Variants in RYR3 observed in about 807,000 individuals in gnomAD.
RYR3 encodes brain ryanodine receptor-calcium release channel.
Under a neutral mutation model 584.3 loss-of-function variants are expected in RYR3, and 207 were observed. That is an observed-to-expected ratio of 0.35 (90% CI 0.32 to 0.40). RYR3 has a LOEUF of 0.40. Among genes scored for constraint, RYR3 ranks in the 10% least tolerant of loss-of-function variants. The pLI is 1.00. For missense variants in RYR3, 5,616 were observed against 6,089.2 expected (o/e 0.92, Z 2.59); for synonymous variants, 2,416 against 2,248.5 (o/e 1.07, Z -2.11).
At chr15:33,362,677 GCT>G (rs1420443301) in intron 1 of RYR3, among the ~76,000 whole-genome samples, 26 of 152,098 alleles carry the variant, frequency 1.7e-4, no homozygotes, top group Non-Finnish European at 2.1e-4. Flanking sequence ...GAGCTGGATC[GCT>G]CTCTGTTCTC....
intron 77 of RYR3, among the ~76,000 whole-genome samples, chr15:33,820,487 TC>T (rs1246818402): frequency 6.6e-6 from 1 of 152,198 alleles, no homozygotes; most frequent in Non-Finnish European, 1.5e-5. Flanking sequence ...AGAGTTCAAG[TC>T]TGTGGTTAAA....
chr15:33,604,135 G>A (rs144756902), intron 18 of RYR3, among the ~76,000 whole-genome samples: 3 of 152,330 alleles, frequency 2.0e-5, no homozygotes, highest in Admixed American at 6.5e-5. Flanking sequence ...AACTGCAATT[G>A]GAGACGTCGC....
At chr15:33,668,669 A>G (rs1176057571) in intron 36 of RYR3, among the ~76,000 whole-genome samples, 1 of 152,240 alleles carries the variant, frequency 6.6e-6, no homozygotes, top group Non-Finnish European at 1.5e-5. Flanking sequence ...AAGATGGCAT[A>G]GTAATACACA....
intron 1 of RYR3, among the ~76,000 whole-genome samples, chr15:33,462,888 T>G: frequency 6.6e-6 from 1 of 152,114 alleles, no homozygotes; most frequent in Non-Finnish European, 1.5e-5. Flanking sequence ...CTTCTTCAAA[T>G]AAGGTTCAGG....
chr15:33,530,719 G>A (rs1000690531), intron 4 of RYR3, 53 bp downstream of exon 4: 2 of 1,353,250 alleles, frequency 1.5e-6, no homozygotes, highest in Admixed American at 1.7e-5. Context: ...AAAAACTGAA[G>A]AGGGGGAAAT....
intron 23 of RYR3, 80 bp from the exon 24 acceptor site, chr15:33,632,869 C>T: frequency 8.0e-7 from 1 of 1,252,158 alleles, no homozygotes. Flanking sequence ...GCGTTCTTAC[C>T]ATGTGCTCTT....
chr15:33,396,878 T>C (rs558143043), intron 1 of RYR3, among the ~76,000 whole-genome samples: 1 of 152,314 alleles, frequency 6.6e-6, no homozygotes, highest in South Asian at 2.1e-4. Flanking sequence ...AACCCCCCTT[T>C]ATAGACTGAA....
intron 11 of RYR3, among the ~76,000 whole-genome samples, chr15:33,566,225 C>T (rs1218553582): frequency 2.0e-5 from 3 of 152,198 alleles, no homozygotes; most frequent in Non-Finnish European, 4.4e-5. Flanking sequence ...AGTTGGCCTT[C>T]AGTTGAGAAA....
At chr15:33,519,330 G>A (rs1325687832) in intron 3 of RYR3, among the ~76,000 whole-genome samples, 3 of 152,188 alleles carry the variant, frequency 2.0e-5, no homozygotes, top group Admixed American at 6.5e-5. Context: ...GAGAAGCAGA[G>A]AGAGTCAAAC....
intron 1 of RYR3, among the ~76,000 whole-genome samples, chr15:33,324,342 G>A (rs1432671731): frequency 2.6e-5 from 4 of 152,162 alleles, no homozygotes; most frequent in Non-Finnish European, 5.9e-5. Context: ...GGGGAAGGAA[G>A]GGTACTCTAA....
chr15:33,635,495 C>A, intron 25 of RYR3, 119 bp from the exon 26 acceptor site: 1 of 725,564 alleles, frequency 1.4e-6, no homozygotes, highest in South Asian at 1.7e-5. Flanking sequence ...TAGTAGTCGA[C>A]CTATGGTCAG....
intron 3 of RYR3, among the ~76,000 whole-genome samples, chr15:33,517,419 G>A (rs533727018): frequency 3.9e-5 from 6 of 152,166 alleles, no homozygotes; most frequent in Non-Finnish European, 7.3e-5. Flanking sequence ...TTGGAAACTC[G>A]CTGTAATGTA....
Position 33,756,470 on chromosome 15 carries a change from C to T in RYR3, c.8583+97C>T, listed in dbSNP as rs963534461. 5.5e-5 allele frequency: 48 copies of T among 870,688 alleles called. 1 individual carries two copies. The Middle Eastern group carries it at 6.6e-4, about 12-fold the overall frequency. The allele number at this position is 870,688 out of a possible 1,614,324, so 53.9% of individuals were successfully genotyped here. A position where few individuals can be genotyped will look rare whatever the true frequency, so the allele number is the denominator to read the frequency against. On this transcript the variant is annotated intron_variant, in intron 59 of 103. Transcript: ENST00000634891. ...GATCCAGTGAAGATATCTAAAACTC[C>T]AATGGCTTCAGTGAGGTACATGTAT...
intron 1 of RYR3, among the ~76,000 whole-genome samples, chr15:33,392,707 T>G (rs1442150407): frequency 6.6e-6 from 1 of 152,100 alleles, no homozygotes; most frequent in Non-Finnish European, 1.5e-5. Flanking sequence ...AGAAAATGCT[T>G]GTAATAGCAG....
chr15:33,605,310 C>T (rs2152558755), intron 18 of RYR3, among the ~76,000 whole-genome samples: 1 of 152,250 alleles, frequency 6.6e-6, no homozygotes, highest in East Asian at 1.9e-4. Flanking sequence ...ACCTGAACAT[C>T]CTGTCTAATT....
intron 94 of RYR3, 149 bp from the exon 95 acceptor site, chr15:33,852,896 C>A (rs2079251489): frequency 1.5e-6 from 1 of 687,392 alleles, no homozygotes; most frequent in Non-Finnish European, 2.5e-6. Context: ...TGTGATGACT[C>A]TGAACTTCAA....
intron 98 of RYR3, among the ~76,000 whole-genome samples, chr15:33,857,335 G>GTGTGCC (rs2079793207): frequency 6.6e-6 from 1 of 151,966 alleles, no homozygotes; most frequent in East Asian, 1.9e-4. Flanking sequence ...GTCCCTTCAC[G>GTGTGCC]TGTGCCTGTG....
At chr15:33,316,802 A>G (rs980885183) in intron 1 of RYR3, among the ~76,000 whole-genome samples, 7 of 152,226 alleles carry the variant, frequency 4.6e-5, no homozygotes, top group African/African-American at 1.7e-4. Flanking sequence ...CTTTCTTATC[A>G]TCAGATCTTG....
At chr15:33,409,768 G>GA (rs1302243539) in intron 1 of RYR3, among the ~76,000 whole-genome samples, 3 of 152,170 alleles carry the variant, frequency 2.0e-5, no homozygotes, top group Non-Finnish European at 4.4e-5. Flanking sequence ...AGCTATGTCT[G>GA]AAAAATAGCT....
Sources: allele counts gnomAD v4.1 joint callset (sites outside exome capture counted in the v4.1 genomes callset), GRCh38; gene constraint gnomAD v4.1.1; transcripts MANE v1.5; gene names NCBI Gene and HGNC (gene_info 2026-07-23, HGNC 2026-07-21).